Variants in CNTN6 observed in about 807,000 individuals in gnomAD.
The protein encoded by CNTN6 is contactin-6.
Under a neutral mutation model 122.8 loss-of-function variants are expected in CNTN6, and 137 were observed. The observed-to-expected ratio is 1.12, with a 90% confidence interval of 0.97 to 1.29. The LOEUF (loss-of-function observed/expected upper bound fraction) is 1.29. Ranked by LOEUF, CNTN6 falls within the 50% of genes most tolerant of loss-of-function variation. CNTN6 has a pLI of 0.00. For missense variants in CNTN6, 1,634 were observed against 1,223.4 expected, an observed-to-expected ratio of 1.34 and a Z score of -5.01; for synonymous variants, 570 against 426.0, an observed-to-expected ratio of 1.34 and a Z score of -4.16.
intron 2 of CNTN6, among the ~76,000 whole-genome samples, chr3:1,149,531 A>C (rs1030317408): frequency 1.3e-5 from 2 of 152,202 alleles, no homozygotes; most frequent in African/African-American, 4.8e-5. Flanking sequence ...AAACAGGAGA[A>C]TCAGAAAACC....
chr3:1,162,344 G>T (rs2093154118), intron 2 of CNTN6, among the ~76,000 whole-genome samples: 1 of 152,122 alleles, frequency 6.6e-6, no homozygotes, highest in South Asian at 2.1e-4. Context: ...ATTTCAGAAA[G>T]CACTTATAAT....
chr3:1,386,387 A>C (rs1167027480), intron 20 of CNTN6, among the ~76,000 whole-genome samples: 1 of 152,172 alleles, frequency 6.6e-6, no homozygotes, highest in Non-Finnish European at 1.5e-5. Context: ...GAAATCTAAG[A>C]ATGAACTCTT....
intron 4 of CNTN6, among the ~76,000 whole-genome samples, chr3:1,270,758 A>T (rs571676411): frequency 3.3e-4 from 51 of 152,344 alleles, no homozygotes; most frequent in African/African-American, 1.2e-3. Context: ...GAAGTGACCA[A>T]TAATTGAAAT....
intron 2 of CNTN6, among the ~76,000 whole-genome samples, chr3:1,194,218 G>C (rs957615886): frequency 1.3e-5 from 2 of 152,038 alleles, no homozygotes; most frequent in African/African-American, 4.8e-5. Flanking sequence ...TTTAAAGGGA[G>C]AAATCTTTTA....
chr3:1,321,931 G>A, intron 8 of CNTN6, 97 bp downstream of exon 8: 2 of 1,036,978 alleles, frequency 1.9e-6, no homozygotes, highest in Non-Finnish European at 1.4e-6. Flanking sequence ...AAGTGTCACG[G>A]GAGAAATAAG....
intron 5 of CNTN6, among the ~76,000 whole-genome samples, chr3:1,279,703 G>A (rs1247870669): frequency 6.6e-6 from 1 of 152,168 alleles, no homozygotes; most frequent in Non-Finnish European, 1.5e-5. Context: ...AAGGACAGAT[G>A]TTTAAAAATA....
chr3:1,353,947 G>A (rs1367469620), intron 12 of CNTN6, among the ~76,000 whole-genome samples: 2 of 151,430 alleles, frequency 1.3e-5, no homozygotes, highest in East Asian at 1.9e-4. Context: ...TCTGGGAGGA[G>A]GGCCAATGGT....
rs1693061619 is a variant in CNTN6, at chr3:1,386,879, TATATTAAA to T, written c.2704+1083_2704+1090del. Reference sequence around the variant, plus strand: ...GTTAAGAAGAGTTTGAAAATAAAGTTATATTAAAGTTATTCCCCTTATGCGTATATATG... The same window carrying T: ...GTTAAGAAGAGTTTGAAAATAAAGTTGTTATTCCCCTTATGCGTATATATG... On this transcript the variant is annotated intron_variant, in intron 20 of 22. Coordinates refer to ENST00000446702, the MANE Select transcript of CNTN6 (RefSeq NM_001289080.2). Among the ~76,000 whole-genome samples, 4 of 152,248 alleles carry T rather than the reference TATATTAAA, an allele frequency of 2.6e-5. No homozygotes were observed. The South Asian group carries it at 8.3e-4, about 32-fold the overall frequency.
At chr3:1,149,714 CAG>C (rs2092798823) in intron 2 of CNTN6, among the ~76,000 whole-genome samples, 1 of 152,040 alleles carries the variant, frequency 6.6e-6, no homozygotes, top group African/African-American at 2.4e-5. Flanking sequence ...TAAGAAAAGA[CAG>C]AGAAAACTCA....
At chr3:1,268,274 T>C (rs145762686) in intron 4 of CNTN6, among the ~76,000 whole-genome samples, 24 of 152,278 alleles carry the variant, frequency 1.6e-4, no homozygotes, top group Admixed American at 5.2e-4. Flanking sequence ...ACCATCAGTC[T>C]AACAACTTGT....
chr3:1,265,020 T>C (rs1328236551), intron 4 of CNTN6, among the ~76,000 whole-genome samples: 2 of 150,370 alleles, frequency 1.3e-5, no homozygotes, highest in African/African-American at 4.9e-5. Context: ...GGTTCATCCA[T>C]GTTGCCACAA....
At chr3:1,392,138 C>T (rs2126227404) in intron 20 of CNTN6, among the ~76,000 whole-genome samples, 1 of 152,370 alleles carries the variant, frequency 6.6e-6, no homozygotes, top group South Asian at 2.1e-4. Context: ...AGGCATCACA[C>T]TACCTGACTT....
intron 7 of CNTN6, among the ~76,000 whole-genome samples, chr3:1,314,324 G>C (rs1699802916): frequency 6.6e-6 from 1 of 151,988 alleles, no homozygotes; most frequent in Non-Finnish European, 1.5e-5. Flanking sequence ...CACTCTCTTT[G>C]ATTAAAACTG....
chr3:1,377,042 A>G lies in CNTN6; in HGVS notation c.2133A>G (p.Gly711=). The change falls in exon 17 of 23, where the codon GGA becomes GGG. Residue 711 remains glycine, a synonymous_variant. Coordinates refer to ENST00000446702, the MANE Select transcript of CNTN6 (RefSeq NM_001289080.2). ...VVAPVNIHGG[G]GSRSELVITW... is the part of the protein sequence containing the mutation. Reference sequence around the variant, plus strand: ...CACCAGTAAACATCCATGGAGGTGGAGGAAGTCGGTCTGAACTCGTCATTA... The same window carrying G: ...CACCAGTAAACATCCATGGAGGTGGGGGAAGTCGGTCTGAACTCGTCATTA... 6.2e-7 allele frequency: 1 copy of G among 1,605,058 alleles called. No individual in the cohort carries two copies. The highest frequency in any genetic ancestry group is 8.5e-7 in the Non-Finnish European group (1 of 1,175,290).
chr3:1,239,115 G>A (rs1312189821), intron 4 of CNTN6, among the ~76,000 whole-genome samples: 1 of 152,034 alleles, frequency 6.6e-6, no homozygotes, highest in Non-Finnish European at 1.5e-5. Flanking sequence ...GAACAAGATA[G>A]GGATGCCCAC....
intron 4 of CNTN6, among the ~76,000 whole-genome samples, chr3:1,267,173 ACT>A (rs747394700): frequency 2.6e-5 from 4 of 151,240 alleles, no homozygotes; most frequent in Non-Finnish European, 4.4e-5. Context: ...GACAGGGCAG[ACT>A]CTGTTTGCTT....
chr3:1,232,659 A>G (rs907370759), intron 4 of CNTN6, among the ~76,000 whole-genome samples: 3 of 152,224 alleles, frequency 2.0e-5, no homozygotes, highest in Admixed American at 6.5e-5. Context: ...CGTATGTGGG[A>G]GAGTCTGTTT....
intron 1 of CNTN6, among the ~76,000 whole-genome samples, chr3:1,141,386 C>T (rs746761575): frequency 1.3e-5 from 2 of 152,080 alleles, no homozygotes; most frequent in African/African-American, 2.4e-5. Flanking sequence ...GAACGAAGCC[C>T]GTGAGGAGTC....
intron 2 of CNTN6, among the ~76,000 whole-genome samples, chr3:1,211,225 C>G (rs1046049741): frequency 2.6e-5 from 4 of 152,178 alleles, no homozygotes; most frequent in Non-Finnish European, 5.9e-5. Flanking sequence ...TACTTTATAT[C>G]TGGGTGTGAT....
Sources: allele counts gnomAD v4.1 joint callset (sites outside exome capture counted in the v4.1 genomes callset), GRCh38; gene constraint gnomAD v4.1.1; transcripts MANE v1.5; gene names NCBI Gene and HGNC (gene_info 2026-07-23, HGNC 2026-07-21).